Variants in TEC observed in about 807,000 individuals in gnomAD.
The protein encoded by TEC is tec protein tyrosine kinase.
In TEC, 72 loss-of-function variants were observed where a neutral mutation model predicts 93.0. The ratio of observed to expected loss-of-function variants is 0.77; its 90% CI spans 0.64 to 0.94. TEC has a LOEUF of 0.94. TEC is among the 40% of genes least tolerant of loss of function. The pLI, the probability that TEC is intolerant of heterozygous loss-of-function variation, is 0.00. For missense variants in TEC, 630 were observed against 757.9 expected, an observed-to-expected ratio of 0.83 and a Z score of 1.98; for synonymous variants, 249 against 247.7, an observed-to-expected ratio of 1.01 and a Z score of -0.05.
rs533401953 is a variant in TEC at position 48,232,664 on chromosome 4, C to G, written c.-45-4005G>C. 7.2e-5 allele frequency among the ~76,000 whole-genome samples: 11 copies of G among 152,340 alleles called. No individual in the cohort carries two copies. In the South Asian group the frequency reaches 2.3e-3, roughly 32 times the overall value. ...CCAGCCAAAGATAGAGTGTTGAATG[C>G]ACACTTCACATTGGCTCCTTCCTGA... On this transcript the variant is annotated intron_variant, in intron 1 of 17. Transcript: ENST00000381501.
At chr4:48,172,789 G>A (rs1263760656) in intron 3 of TEC, among the ~76,000 whole-genome samples, 1 of 152,166 alleles carries the variant, frequency 6.6e-6, no homozygotes, top group African/African-American at 2.4e-5. Context: ...AAGTGCTAAA[G>A]GAGATGTGAA....
chr4:48,266,629 C>T (rs1724642900), intron 1 of TEC, among the ~76,000 whole-genome samples: 1 of 152,070 alleles, frequency 6.6e-6, no homozygotes, highest in Non-Finnish European at 1.5e-5. Flanking sequence ...CCTGAGGTCA[C>T]GAGTTTGAGA....
chr4:48,236,714 G>A (rs1269299361), intron 1 of TEC, among the ~76,000 whole-genome samples: 1 of 152,146 alleles, frequency 6.6e-6, no homozygotes, highest in Non-Finnish European at 1.5e-5. Flanking sequence ...TTAACACATT[G>A]TCTTTGAACA....
chr4:48,139,361 C>A (rs1364344039), intron 15 of TEC, among the ~76,000 whole-genome samples: 1 of 152,142 alleles, frequency 6.6e-6, no homozygotes, highest in Non-Finnish European at 1.5e-5. Flanking sequence ...TAAAATTTTA[C>A]CCAAAGGCCC....
intron 1 of TEC, among the ~76,000 whole-genome samples, chr4:48,262,614 A>C (rs912565929): frequency 6.6e-6 from 1 of 152,194 alleles, no homozygotes; most frequent in Non-Finnish European, 1.5e-5. Context: ...GTGAAGACCC[A>C]GTACATTACA....
intron 2 of TEC, among the ~76,000 whole-genome samples, chr4:48,218,513 T>C (rs577725346): frequency 6.6e-6 from 1 of 152,278 alleles, no homozygotes; most frequent in South Asian, 2.1e-4. Flanking sequence ...AATTGCCCGG[T>C]AGTACAAGAA....
chr4:48,262,236 G>T (rs1364949142), intron 1 of TEC, among the ~76,000 whole-genome samples: 1 of 128,282 alleles, frequency 7.8e-6, no homozygotes, highest in Non-Finnish European at 1.6e-5. Flanking sequence ...TTGCTCTGTT[G>T]CCCAGGCTGG....
chr4:48,246,296 G>T (rs1724052702), intron 1 of TEC, among the ~76,000 whole-genome samples: 1 of 152,090 alleles, frequency 6.6e-6, no homozygotes, highest in African/African-American at 2.4e-5. Flanking sequence ...TAAATGGAAA[G>T]ACATCCCACA....
At chr4:48,185,670 G>A (rs545829916) in intron 2 of TEC, among the ~76,000 whole-genome samples, 1 of 152,086 alleles carries the variant, frequency 6.6e-6, no homozygotes, top group Non-Finnish European at 1.5e-5. Flanking sequence ...TATAAGCATG[G>A]CATAATATAT....
chr4:48,202,956 G>A (rs1722581899), intron 2 of TEC, among the ~76,000 whole-genome samples: 1 of 152,202 alleles, frequency 6.6e-6, no homozygotes, highest in Non-Finnish European at 1.5e-5. Flanking sequence ...GCTGCAGGCA[G>A]GAAAATAATT....
chr4:48,252,702 A>C (rs1724236374), intron 1 of TEC, among the ~76,000 whole-genome samples: 1 of 152,216 alleles, frequency 6.6e-6, no homozygotes, highest in South Asian at 2.1e-4. Flanking sequence ...GAGCACAAAA[A>C]GCAATATTAA....
At chr4:48,215,948 C>T (rs535730656) in intron 2 of TEC, among the ~76,000 whole-genome samples, 1 of 152,284 alleles carries the variant, frequency 6.6e-6, no homozygotes, top group South Asian at 2.1e-4. Flanking sequence ...CTTCAGTTTT[C>T]ACAAGTGAAA....
chr4:48,168,069 T>C (rs972001156), intron 6 of TEC, 116 bp from the exon 7 acceptor site: 5 of 873,090 alleles, frequency 5.7e-6, no homozygotes, highest in Middle Eastern at 3.5e-4. Flanking sequence ...TCAAGTCTAC[T>C]TACTATAATC....
At chr4:48,231,266 C>CTAATT (rs2109643265) in intron 1 of TEC, among the ~76,000 whole-genome samples, 1 of 152,314 alleles carries the variant, frequency 6.6e-6, no homozygotes, top group East Asian at 1.9e-4. Context: ...CTAATTAACC[C>CTAATT]AACAGCCAAC....
chr4:48,153,599 T>C (rs1720269102), intron 9 of TEC: 1 of 152,194 alleles, frequency 6.6e-6, no homozygotes, highest in African/African-American at 2.4e-5. Context: ...TATATTCTAC[T>C]GCTCAAAGTC....
intron 2 of TEC, among the ~76,000 whole-genome samples, chr4:48,184,868 C>T (rs1198911259): frequency 2.0e-5 from 3 of 151,038 alleles, no homozygotes; most frequent in African/African-American, 4.9e-5. Context: ...TTAGAACTTG[C>T]GGTCTTCAAC....
chr4:48,210,496 TGGA>T (rs112088688), intron 2 of TEC, among the ~76,000 whole-genome samples: 26 of 147,850 alleles, frequency 1.8e-4, no homozygotes, highest in Admixed American at 3.4e-4. Context: ...ATAAAAAAAA[TGGA>T]GGAGGAGGAG....
At position 48,138,748 on chromosome 4, in the gene TEC, T is replaced by C. The variant is rs1719536030; in HGVS notation, c.1729A>G (p.Met577Val). The change falls in exon 17 of 18, where the codon ATG (methionine) becomes GTG (valine). Residue 577 changes from methionine (M) to valine (V), a missense_variant. Met to Val is a conservative substitution (Grantham distance 21). Coordinates refer to ENST00000381501, the MANE Select transcript of TEC (RefSeq NM_003215.3). ...EKYTNYEVVT[M>V]VTRGHRLYQP... ...TAGAGTCGGTGGCCTCGAGTAACCA[T>C]GGTTACCACTTCATAATTGGTGTAT... 1 of 1,614,220 alleles carries C rather than the reference T, an allele frequency of 6.2e-7. No individual in the cohort carries two copies. The highest frequency in any genetic ancestry group is 1.1e-5 in the South Asian group (1 of 91,088).
At chr4:48,257,032 AT>A (rs1007637152) in intron 1 of TEC, among the ~76,000 whole-genome samples, 3 of 152,012 alleles carry the variant, frequency 2.0e-5, no homozygotes, top group Non-Finnish European at 2.9e-5. Flanking sequence ...GCAGTAAATA[AT>A]TTTTTTTCCA....
Sources: allele counts gnomAD v4.1 joint callset (sites outside exome capture counted in the v4.1 genomes callset), GRCh38; gene constraint gnomAD v4.1.1; transcripts MANE v1.5; gene names NCBI Gene and HGNC (gene_info 2026-07-23, HGNC 2026-07-21).